WDR72: variants seen among roughly 807,000 people sequenced by gnomAD.
WDR72 encodes the protein WD repeat domain 72, also known as WD repeat-containing protein 72.
WDR72 carries 120 observed loss-of-function variants against 124.2 expected under a neutral mutation model. That is an observed-to-expected ratio of 0.97 (90% CI 0.83 to 1.12). The LOEUF is 1.12. Among genes scored for constraint, WDR72 ranks in the 50% most tolerant of loss-of-function variants. The pLI, the probability that WDR72 is intolerant of heterozygous loss-of-function variation, is 0.00. For synonymous variants in WDR72, 452 were observed against 441.7 expected (o/e 1.02, Z -0.29); for missense variants, 1,387 against 1,278.8 (o/e 1.08, Z -1.29).
chr15:53,737,490 AAATAGT>A (rs1270413712), intron 1 of WDR72, among the ~76,000 whole-genome samples: 1 of 152,224 alleles, frequency 6.6e-6, no homozygotes, highest in Non-Finnish European at 1.5e-5. Context: ...TGTACCAGGC[AAATAGT>A]AATAAAAGAA....
At chr15:53,611,527 T>C (rs758047000) in intron 16 of WDR72, among the ~76,000 whole-genome samples, 2 of 152,062 alleles carry the variant, frequency 1.3e-5, no homozygotes, top group Non-Finnish European at 2.9e-5. Context: ...AAACACTGGA[T>C]AACTAACCCT....
chr15:53,682,545 C>T (rs1247234217), intron 13 of WDR72, among the ~76,000 whole-genome samples: 1 of 152,088 alleles, frequency 6.6e-6, no homozygotes, highest in Non-Finnish European at 1.5e-5. Flanking sequence ...TTCACGGATG[C>T]ATAAAACTGA....
chr15:53,756,004 T>C (rs2018893675), intron 1 of WDR72, among the ~76,000 whole-genome samples: 2 of 152,184 alleles, frequency 1.3e-5, no homozygotes, highest in South Asian at 4.1e-4. Context: ...ACTGATACCC[T>C]AAGGAGAATA....
At position 53,516,781 on chromosome 15, in the gene WDR72, T is replaced by A. The variant is rs1028384926; in HGVS notation, c.*918A>T. 8 of 152,246 alleles carry A rather than the reference T, an allele frequency of 5.3e-5. No homozygotes were observed. Among genetic ancestry groups the A allele is most frequent in the African/African-American group, 1.9e-4 (8 of 41,574 alleles). 9.4% of individuals were successfully genotyped at this position (152,246 alleles called of 1,614,324 possible). A position where few individuals can be genotyped will look rare whatever the true frequency, so the allele number is the denominator to read the frequency against. On this transcript the variant is annotated 3_prime_UTR_variant, in exon 20 of 20. Transcript: ENST00000360509. ...GATTAATAATTTTGATGATTTTCTG[T>A]AAATCGAGGAACTGTACAATATAAA...
chr15:53,668,959 GAGAAGGAGGAGGAGGAGGAGA>G (rs751184402), intron 13 of WDR72, among the ~76,000 whole-genome samples: 2 of 22,600 alleles, frequency 8.8e-5, no homozygotes, highest in Non-Finnish European at 3.3e-4. Flanking sequence ...GGAGGAGGAG[GAGAAGGAGGAGGAGGAGGAGA>G]AGGAGAAGGA....
At chr15:53,653,437 C>T (rs983115590) in intron 14 of WDR72, among the ~76,000 whole-genome samples, 5 of 152,062 alleles carry the variant, frequency 3.3e-5, no homozygotes, top group Non-Finnish European at 5.9e-5. Context: ...AAACTGACAT[C>T]GAAGTTAGAC....
intron 14 of WDR72, among the ~76,000 whole-genome samples, chr15:53,661,749 A>G (rs1220530386): frequency 6.6e-6 from 1 of 152,208 alleles, no homozygotes; most frequent in African/African-American, 2.4e-5. Context: ...ATTCTACATA[A>G]CCAAAATAGA....
intron 1 of WDR72, among the ~76,000 whole-genome samples, chr15:53,738,554 G>C (rs1334224778): frequency 6.6e-6 from 1 of 152,098 alleles, no homozygotes; most frequent in Non-Finnish European, 1.5e-5. Flanking sequence ...ATAATTTTTA[G>C]AGAAAATATA....
chr15:53,756,833 A>T (rs2018921636), intron 1 of WDR72: 1 of 152,202 alleles, frequency 6.6e-6, no homozygotes, highest in Non-Finnish European at 1.5e-5. Flanking sequence ...AAACAAACAG[A>T]TCCATCAGTC....
intron 18 of WDR72, among the ~76,000 whole-genome samples, chr15:53,584,767 C>T (rs2012112132): frequency 6.6e-6 from 1 of 151,936 alleles, no homozygotes. Flanking sequence ...ATGTCCTGCC[C>T]ACACCAAAAT....
intron 18 of WDR72, among the ~76,000 whole-genome samples, chr15:53,566,508 T>C (rs1211350151): frequency 6.6e-6 from 1 of 151,756 alleles, no homozygotes; most frequent in Non-Finnish European, 1.5e-5. Context: ...GAGGTGACAG[T>C]GGGAGATATC....
At chr15:53,608,785 T>TAAATAAATAAAA (rs61501258) in intron 17 of WDR72, among the ~76,000 whole-genome samples, 1,723 of 149,890 alleles carry the variant, frequency 0.011, 47 homozygotes, top group African/African-American at 0.039. Context: ...AATAAATAAA[T>TAAATAAATAAAA]ATAAAAATAA....
chr15:53,641,103 T>C (rs2014832180), intron 14 of WDR72, among the ~76,000 whole-genome samples: 2 of 152,074 alleles, frequency 1.3e-5, no homozygotes, highest in Non-Finnish European at 2.9e-5. Flanking sequence ...TCCCTCTACA[T>C]TTAAAATTTT....
At chr15:53,729,808 A>T (rs1401395527) in intron 2 of WDR72, among the ~76,000 whole-genome samples, 2 of 151,896 alleles carry the variant, frequency 1.3e-5, no homozygotes, top group African/African-American at 2.4e-5. Context: ...ACAAAAAAAA[A>T]AATAAAGTAA....
chr15:53,759,804 C>G (rs1413174684), upstream of WDR72: 1 of 150,708 alleles, frequency 6.6e-6, no homozygotes, highest in Non-Finnish European at 1.5e-5. Flanking sequence ...GGCGGGTGCA[C>G]CCGCTCTCCC....
chr15:53,629,132 C>A (rs1566992593), intron 14 of WDR72, among the ~76,000 whole-genome samples: 1 of 151,542 alleles, frequency 6.6e-6, no homozygotes, highest in African/African-American at 2.4e-5. Flanking sequence ...AAGGCCTTGA[C>A]AAGGTATGCA....
chr15:53,728,853 T>G (rs2018119107), intron 2 of WDR72, among the ~76,000 whole-genome samples: 2 of 152,118 alleles, frequency 1.3e-5, no homozygotes, highest in African/African-American at 2.4e-5. Flanking sequence ...AAAGGCAGCA[T>G]GTATAATCTA....
At chr15:53,684,135 A>G (rs1201805566) in intron 13 of WDR72, 1 of 152,184 alleles carries the variant, frequency 6.6e-6, no homozygotes, top group African/African-American at 2.4e-5. Flanking sequence ...TTGCAGGTAT[A>G]ATAGACGAAC....
chr15:53,681,282 T>C (rs981350435), intron 13 of WDR72, among the ~76,000 whole-genome samples: 1 of 152,078 alleles, frequency 6.6e-6, no homozygotes, highest in East Asian at 1.9e-4. Flanking sequence ...GAAGGCAGCG[T>C]GGGGAGGGCA....
Sources: gnomAD v4.1 joint callset for allele counts (sites outside exome capture counted in the v4.1 genomes callset) on GRCh38, gnomAD v4.1.1 for gene constraint, MANE v1.5 for transcripts, NCBI Gene and HGNC (gene_info 2026-07-23, HGNC 2026-07-21) for gene names.